MTDH: variants seen among roughly 807,000 people sequenced by gnomAD.
The protein encoded by MTDH is metadherin, also known as protein LYRIC.
MTDH carries 34 observed loss-of-function variants against 72.7 expected under a neutral mutation model. That is an observed-to-expected ratio of 0.47 (90% CI 0.36 to 0.62). The LOEUF (loss-of-function observed/expected upper bound fraction) is 0.62. MTDH is among the 20% of genes least tolerant of loss of function. The pLI is 0.00. For missense variants in MTDH, 677 were observed against 699.4 expected, an observed-to-expected ratio of 0.97 and a Z score of 0.36; for synonymous variants, 266 against 268.9, an observed-to-expected ratio of 0.99 and a Z score of 0.10.
At chr8:97,716,753 G>A (rs1814889185) in intron 9 of MTDH, among the ~76,000 whole-genome samples, 1 of 152,104 alleles carries the variant, frequency 6.6e-6, no homozygotes, top group Admixed American at 6.6e-5. Context: ...TGGTCAGGCT[G>A]GAATGCAGTG....
At position 97,727,127 on chromosome 8, in the gene MTDH, T is replaced by A. The variant is rs570074156; in HGVS notation, c.*2457T>A. The A allele has an allele frequency of 6.6e-6, 1 of 151,938 alleles. No individual in the cohort carries two copies. Among genetic ancestry groups the A allele is most frequent in the African/African-American group, 2.4e-5 (1 of 41,370 alleles). 9.4% of individuals were successfully genotyped at this position (151,938 alleles called of 1,614,324 possible). On this transcript the variant is annotated 3_prime_UTR_variant, in exon 12 of 12. Coordinates refer to ENST00000336273, the MANE Select transcript of MTDH (RefSeq NM_178812.4). Reference sequence around the variant, plus strand: ...ATAAATGATAAAATTAATTACATTCTCTTTCACATGCATGAGGTGCAAACT... The same window carrying A: ...ATAAATGATAAAATTAATTACATTCACTTTCACATGCATGAGGTGCAAACT...
chr8:97,679,660 A>G (rs2130980169), intron 2 of MTDH, among the ~76,000 whole-genome samples: 1 of 152,386 alleles, frequency 6.6e-6, no homozygotes, highest in East Asian at 1.9e-4. Flanking sequence ...ATCACTAAAA[A>G]TAGTTATATT....
chr8:97,706,766 T>C lies in MTDH; in HGVS notation c.1272+16T>C. On this transcript the variant is annotated intron_variant, in intron 8 of 11. Coordinates refer to ENST00000336273, the MANE Select transcript of MTDH (RefSeq NM_178812.4). ...TGATCAAAAGGTGAGTATAAGAGAT[T>C]CCTGGGTGTTTATTTGTTAATGAAA... The C allele has an allele frequency of 6.2e-7, 1 of 1,606,846 alleles. No homozygotes were observed. The highest frequency in any genetic ancestry group is 1.1e-5 in the South Asian group (1 of 90,010).
chr8:97,664,875 C>T (rs1812317987), intron 2 of MTDH, among the ~76,000 whole-genome samples: 1 of 152,170 alleles, frequency 6.6e-6, no homozygotes. Flanking sequence ...ATTCTCCTGC[C>T]TCAGCCTCCT....
Position 97,697,150 on chromosome 8 carries a change from A to ATATATATATATATATATTT in MTDH, c.1049-2603_1049-2602insATATATATATATATATTTT. Among the ~76,000 whole-genome samples the ATATATATATATATATATTT allele has an allele frequency of 2.9e-4, 20 of 68,746 alleles. No individual in the cohort carries two copies. The East Asian group carries it at 3.4e-3, about 12-fold the overall frequency. The allele number at this position is 68,746 out of a possible 152,430, so 45.1% of individuals were successfully genotyped here. On this transcript the variant is annotated intron_variant, in intron 6 of 11. Transcript: ENST00000336273. ...AAAAAATATATATATATATATATAT[A>ATATATATATATATATATTT]TTTTTTTTTTGTGGACCCAGTTTAC...
intron 1 of MTDH, among the ~76,000 whole-genome samples, chr8:97,649,664 TG>T (rs1416232961): frequency 6.6e-6 from 1 of 152,048 alleles, no homozygotes; most frequent in Non-Finnish European, 1.5e-5. Context: ...AGTGCAGTGG[TG>T]TGAACACAGC....
intron 1 of MTDH, among the ~76,000 whole-genome samples, chr8:97,650,786 G>A (rs1811742304): frequency 6.6e-6 from 1 of 152,026 alleles, no homozygotes; most frequent in South Asian, 2.1e-4. Flanking sequence ...CTGGAGTGCA[G>A]TGGTGTGATC....
chr8:97,646,052 A>G (rs1246400045), intron 1 of MTDH, among the ~76,000 whole-genome samples: 1 of 152,182 alleles, frequency 6.6e-6, no homozygotes, highest in Non-Finnish European at 1.5e-5. Flanking sequence ...GCATAGACTG[A>G]TAGGTGTTAA....
At position 97,661,159 on chromosome 8, in the gene MTDH, A is replaced by G; in HGVS notation, c.469A>G (p.Lys157Glu). 6.2e-7 allele frequency: 1 copy of G among 1,610,774 alleles called. No individual in the cohort carries two copies. Residue 157 changes from lysine to glutamate, a missense_variant, in exon 2 of 12, where the codon AAG becomes GAG. Coordinates refer to ENST00000336273, the MANE Select transcript of MTDH (RefSeq NM_178812.4). ...VTAKQPPEID[K>E]KNEKSKKNKK... is the part of the protein sequence containing the mutation. The stretch of plus-strand genomic sequence containing the variant: ...AGCAAAGCAGCCACCAGAGATTGAC[A>G]AGAAAAATGAAAAGGTAAGTTTGGG...
intron 1 of MTDH, among the ~76,000 whole-genome samples, chr8:97,656,744 A>G (rs1811994412): frequency 6.6e-6 from 1 of 151,602 alleles, no homozygotes; most frequent in African/African-American, 2.4e-5. Flanking sequence ...TCACACCCAT[A>G]ATCCCAGCAC....
intron 9 of MTDH, among the ~76,000 whole-genome samples, chr8:97,714,567 T>C (rs1227603665): frequency 2.0e-5 from 3 of 151,206 alleles, no homozygotes; most frequent in Non-Finnish European, 2.9e-5. Context: ...ATCACACTAC[T>C]GTACTCCAGC....
At position 97,729,249 on chromosome 8, in the gene MTDH, C is replaced by A. The variant is rs545771419; in HGVS notation, c.*4579C>A. ...GCCAACATGTGGCTTTCAGTTCTTA[C>A]TTGAAGACAGCTGCTCTAGCTAGAA... On this transcript the variant is annotated 3_prime_UTR_variant, in exon 12 of 12. Coordinates refer to ENST00000336273, the MANE Select transcript of MTDH (RefSeq NM_178812.4). Among the ~76,000 whole-genome samples, 1 of 152,104 alleles carries A rather than the reference C, an allele frequency of 6.6e-6. No individual in the cohort carries two copies. The highest frequency in any genetic ancestry group is 2.1e-4 in the South Asian group (1 of 4,804).
intron 2 of MTDH, 34 bp downstream of exon 2, chr8:97,661,207 A>T: frequency 7.0e-7 from 1 of 1,429,268 alleles, no homozygotes; most frequent in Non-Finnish European, 9.7e-7. Flanking sequence ...TGTATGCAAG[A>T]CTCTTAATAG....
intron 2 of MTDH, among the ~76,000 whole-genome samples, chr8:97,670,633 AAAAAAT>A (rs1182865174): frequency 6.6e-6 from 1 of 152,226 alleles, no homozygotes; most frequent in Non-Finnish European, 1.5e-5. Context: ...AAAATAAAAT[AAAAAAT>A]AAAAATAAAT....
intron 6 of MTDH, chr8:97,696,265 A>G: frequency 6.1e-6 from 6 of 985,392 alleles, no homozygotes; most frequent in Non-Finnish European, 7.2e-6. Flanking sequence ...CTTCTTTTGC[A>G]TCTCTCACAC....
At chr8:97,659,751 T>C (rs553168113) in intron 1 of MTDH, among the ~76,000 whole-genome samples, 1 of 152,336 alleles carries the variant, frequency 6.6e-6, no homozygotes, top group African/African-American at 2.4e-5. Flanking sequence ...TTGAGGGGAA[T>C]GCATAAGTGA....
chr8:97,667,413 CTG>C (rs1812436061), intron 2 of MTDH, among the ~76,000 whole-genome samples: 1 of 152,132 alleles, frequency 6.6e-6, no homozygotes, highest in Admixed American at 6.5e-5. Flanking sequence ...GCTTTTTAAT[CTG>C]TGTGATGAAA....
intron 1 of MTDH, among the ~76,000 whole-genome samples, chr8:97,650,570 C>G (rs538440292): frequency 2.8e-4 from 42 of 152,166 alleles, no homozygotes; most frequent in Non-Finnish European, 5.0e-4. Context: ...TCACTGTGCC[C>G]AGCCTCTCTC....
At chr8:97,713,242 G>A (rs1814706732) in intron 8 of MTDH, among the ~76,000 whole-genome samples, 1 of 152,030 alleles carries the variant, frequency 6.6e-6, no homozygotes, top group Middle Eastern at 3.4e-3. Context: ...CTGCCATCAC[G>A]CCCGGCTAAT....
Sources: allele counts gnomAD v4.1 joint callset (sites outside exome capture counted in the v4.1 genomes callset), GRCh38; gene constraint gnomAD v4.1.1; transcripts MANE v1.5; gene names NCBI Gene and HGNC (gene_info 2026-07-23, HGNC 2026-07-21).